NSUN3: variants seen among roughly 807,000 people sequenced by gnomAD.
NSUN3 encodes the protein tRNA (cytosine(34)-C(5))-methyltransferase, mitochondrial.
A neutral mutation model predicts 36.8 loss-of-function variants in NSUN3; 24 were observed. The observed-to-expected ratio is 0.65, with a 90% confidence interval of 0.47 to 0.92. The LOEUF (loss-of-function observed/expected upper bound fraction) is 0.92, where lower values mean the gene tolerates loss of function less well. Among genes scored for constraint, NSUN3 ranks in the 40% least tolerant of loss-of-function variants. The pLI is 0.00. For missense variants in NSUN3, 381 were observed against 392.8 expected (o/e 0.97, Z 0.25); for synonymous variants, 146 against 145.2 (o/e 1.01, Z -0.04).
At position 94,128,594 on chromosome 3, in the gene NSUN3, T is replaced by C; in HGVS notation, c.*2104T>C. The C allele has an allele frequency of 6.7e-6, 1 of 149,668 alleles. No individual in the cohort carries two copies. The allele number at this position is 149,668 out of a possible 1,614,324, so 9.3% of individuals were successfully genotyped here. On this transcript the variant is annotated 3_prime_UTR_variant, in exon 6 of 6. Transcript: ENST00000314622. ...GTGTGTGTGTGTGTGTATATATATA[T>C]ATATATATAATTTTATTAAAAGCAA...
chr3:94,100,393 A>G (rs1392330969), intron 5 of NSUN3, among the ~76,000 whole-genome samples: 1 of 152,218 alleles, frequency 6.6e-6, no homozygotes, highest in East Asian at 1.9e-4. Flanking sequence ...GATAGATACC[A>G]TATGATCTCA....
intron 2 of NSUN3, chr3:94,075,869 A>T: frequency 2.5e-6 from 3 of 1,211,868 alleles, no homozygotes; most frequent in South Asian, 2.4e-5. Context: ...TTGAGAAGAA[A>T]AAAAGGGGAG....
chr3:94,070,029 T>G (rs2077218965), intron 2 of NSUN3, among the ~76,000 whole-genome samples: 1 of 152,216 alleles, frequency 6.6e-6, no homozygotes, highest in South Asian at 2.1e-4. Context: ...TTCTTTTGTT[T>G]CTTAGGAATT....
chr3:94,084,354 G>C lies in NSUN3; in HGVS notation c.370G>C (p.Val124Leu). 1 of 1,614,160 alleles carries C rather than the reference G, an allele frequency of 6.2e-7. No homozygotes were observed. Among genetic ancestry groups the C allele is most frequent in the Non-Finnish European group, 8.5e-7 (1 of 1,180,026 alleles). The part of the protein sequence containing the change: ...YLLNAASLLP[V>L]LALELRDGEK... ...CCTAAATGCTGCTTCTCTTCTCCCA[G>C]TGTTGGCTCTGGAATTAAGGGATGG... Residue 124 changes from valine (V) to leucine (L), a missense_variant, in exon 3 of 6, where the codon GTG becomes CTG. By Grantham distance (32) the Val-to-Leu change is conservative. Coordinates refer to ENST00000314622, the MANE Select transcript of NSUN3 (RefSeq NM_022072.5).
intron 5 of NSUN3, among the ~76,000 whole-genome samples, chr3:94,113,295 A>G (rs1048205269): frequency 6.6e-6 from 1 of 152,246 alleles, no homozygotes; most frequent in Non-Finnish European, 1.5e-5. Flanking sequence ...CTATAGAACT[A>G]TATTGCCTGG....
At chr3:94,112,933 C>T (rs73156402) in intron 5 of NSUN3, among the ~76,000 whole-genome samples, 15,354 of 152,098 alleles carry the variant, frequency 0.1, 804 homozygotes, top group Middle Eastern at 0.22. Context: ...GGCACAATCT[C>T]GGCTCACTGC....
In NSUN3 at chr3:94,084,189, T is replaced by A; in HGVS notation, c.205T>A (p.Leu69Ile). 3 of 1,614,094 alleles carry A rather than the reference T, an allele frequency of 1.9e-6. No individual in the cohort carries two copies. The highest frequency in any genetic ancestry group is 8.5e-7 in the Non-Finnish European group (1 of 1,179,974). ...FNYPFELEKD[L>I]HLKGYHTLSQ... is the part of the protein sequence containing the mutation. ...TTATCCTTTTGAACTGGAAAAGGATTTACATTTGAAGGGCTATCACACACT... is the reference window on the plus strand; with the variant it reads ...TTATCCTTTTGAACTGGAAAAGGATATACATTTGAAGGGCTATCACACACT... The change falls in exon 3 of 6, where the codon TTA becomes ATA. Residue 69 changes from leucine (L) to isoleucine (I), a missense_variant. Physicochemically the swap from Leu to Ile is conservative, Grantham distance 5 (BLOSUM62 2). Transcript: ENST00000314622.
chr3:94,097,964 C>T (rs1440495543), intron 5 of NSUN3, among the ~76,000 whole-genome samples: 1 of 152,132 alleles, frequency 6.6e-6, no homozygotes, highest in Non-Finnish European at 1.5e-5. Context: ...CTCAGACCTA[C>T]ATATTCAATT....
chr3:94,074,059 C>T (rs902546144), intron 2 of NSUN3, among the ~76,000 whole-genome samples: 6 of 152,146 alleles, frequency 3.9e-5, no homozygotes, highest in Non-Finnish European at 7.4e-5. Context: ...AATAGGGAAT[C>T]CTTTCCCCAT....
intron 3 of NSUN3, among the ~76,000 whole-genome samples, chr3:94,087,984 T>C (rs2077299221): frequency 6.6e-6 from 1 of 152,170 alleles, no homozygotes; most frequent in South Asian, 2.1e-4. Context: ...AACTTTTTGA[T>C]ATCTGGTTAG....
chr3:94,102,463 G>A (rs1374006068), intron 5 of NSUN3, among the ~76,000 whole-genome samples: 6 of 152,020 alleles, frequency 3.9e-5, no homozygotes, highest in Non-Finnish European at 8.8e-5. Context: ...TACTGTCATC[G>A]TATGCTTAGT....
chr3:94,117,391 A>ATGTTTTTGACAG, intron 5 of NSUN3, among the ~76,000 whole-genome samples: 1 of 152,156 alleles, frequency 6.6e-6, no homozygotes. Flanking sequence ...ACTTGGTTGT[A>ATGTTTTTGACAG]TTCTGTGAAC....
At chr3:94,088,465 T>A (rs1454392863) in intron 3 of NSUN3, among the ~76,000 whole-genome samples, 2 of 152,122 alleles carry the variant, frequency 1.3e-5, no homozygotes, top group Non-Finnish European at 2.9e-5. Flanking sequence ...GCTCTGTGAG[T>A]TGGGTATTAT....
At chr3:94,115,821 A>C (rs2077437668) in intron 5 of NSUN3, among the ~76,000 whole-genome samples, 1 of 152,232 alleles carries the variant, frequency 6.6e-6, no homozygotes, top group Non-Finnish European at 1.5e-5. Flanking sequence ...GAGAAAGAGA[A>C]TTTATATTTT....
At position 94,130,834 on chromosome 3, in the gene NSUN3, T is replaced by C. The variant is rs1476257748; in HGVS notation, c.*4344T>C. ...CAGTGGGAGCCTTGTTTGACCTTTT[T>C]TAACCTTTCCTGGTCAGGTGCCAGG... On this transcript the variant is annotated 3_prime_UTR_variant, in exon 6 of 6. Transcript: ENST00000314622. Among the ~76,000 whole-genome samples, 1 of 152,196 alleles carries C rather than the reference T, an allele frequency of 6.6e-6. No individual in the cohort carries two copies. Among genetic ancestry groups the C allele is most frequent in the African/African-American group, 2.4e-5 (1 of 41,454 alleles).
chr3:94,114,926 C>G (rs938086027), intron 5 of NSUN3, among the ~76,000 whole-genome samples: 1 of 152,094 alleles, frequency 6.6e-6, no homozygotes, highest in Non-Finnish European at 1.5e-5. Flanking sequence ...ATCCATGTTG[C>G]TGCAAAGGAC....
rs2077491061 is a variant in NSUN3, at chr3:94,127,229, T to C, written c.*739T>C. On this transcript the variant is annotated 3_prime_UTR_variant, in exon 6 of 6. Transcript: ENST00000314622. ...ATTATGGAGTCTATCCAGCAGGCTA[T>C]AAAGCAAGTACTTGAGACAAAACCG... is the stretch of plus-strand genomic sequence containing the variant. 1 of 152,176 alleles carries C rather than the reference T, an allele frequency of 6.6e-6. No individual in the cohort carries two copies. The highest frequency in any genetic ancestry group is 1.5e-5 in the Non-Finnish European group (1 of 68,032). The allele number at this position is 152,176 out of a possible 1,614,324, so 9.4% of individuals were successfully genotyped here.
At position 94,063,210 on chromosome 3, in the gene NSUN3, G is replaced by T. The variant is rs975986336; in HGVS notation, c.12+72G>T. 1.1e-5 allele frequency: 16 copies of T among 1,489,460 alleles called. No individual in the cohort carries two copies. In the African/African-American group the frequency reaches 1.7e-4, roughly 15 times the overall value. 92.3% of individuals were successfully genotyped at this position (1,489,460 alleles called of 1,614,324 possible). A position where few individuals can be genotyped will look rare whatever the true frequency, so the allele number is the denominator to read the frequency against. On this transcript the variant is annotated intron_variant, in intron 1 of 5. Transcript: ENST00000314622. ...TCTGGACGCGGCCGAGGTGGCGAGG[G>T]AGGGTGCTGGGATGGGGGAACATCA...
At chr3:94,101,120 C>T (rs2077364140) in intron 5 of NSUN3, among the ~76,000 whole-genome samples, 2 of 152,022 alleles carry the variant, frequency 1.3e-5, no homozygotes, top group African/African-American at 4.8e-5. Flanking sequence ...GCCTCCTGAA[C>T]AGCTGATACT....
Sources: allele counts gnomAD v4.1 joint callset (sites outside exome capture counted in the v4.1 genomes callset), GRCh38; gene constraint gnomAD v4.1.1; transcripts MANE v1.5; gene names NCBI Gene and HGNC (gene_info 2026-07-23, HGNC 2026-07-21).